FZD3: variants seen among roughly 807,000 people sequenced by gnomAD.
The protein encoded by FZD3 is frizzled-3.
In FZD3, 30 loss-of-function variants were observed where a neutral mutation model predicts 60.7. That is an observed-to-expected ratio of 0.49 (90% CI 0.37 to 0.67). FZD3 has a LOEUF of 0.67. FZD3 is among the 30% of genes least tolerant of loss of function. The pLI is 0.00. For missense variants in FZD3, 605 were observed against 838.7 expected (o/e 0.72, Z 3.44); for synonymous variants, 246 against 275.2 (o/e 0.89, Z 1.05).
intron 3 of FZD3, among the ~76,000 whole-genome samples, chr8:28,512,366 T>A (rs1804311762): frequency 6.6e-6 from 1 of 152,158 alleles, no homozygotes. Context: ...TAGTATGGTA[T>A]CATCCTGGTT....
chr8:28,546,383 GT>G (rs1805293188), intron 5 of FZD3, among the ~76,000 whole-genome samples: 1 of 152,166 alleles, frequency 6.6e-6, no homozygotes, highest in African/African-American at 2.4e-5. Flanking sequence ...CAGAGAGCCA[GT>G]TGTTAAAACA....
At position 28,527,414 on chromosome 8, in the gene FZD3, G is replaced by A. The variant is rs770728766; in HGVS notation, c.654G>A (p.Leu218=). The change falls in exon 5 of 8, where the codon TTG becomes TTA. Residue 218 remains leucine, a synonymous_variant. Transcript: ENST00000240093. This position sits in a 1 kb window ranked among gnomAD's most constrained non-coding sequence, Gnocchi z 5.0. Reference sequence around the variant, plus strand: ...CAATCATTTGCCTCTCGGCCACATTGTTTACTTTTTTAACTTTTTTGATTG... The same window carrying A: ...CAATCATTTGCCTCTCGGCCACATTATTTACTTTTTTAACTTTTTTGATTG... ...LISIICLSAT[L]FTFLTFLIDV... is the part of the protein sequence containing the mutation. 7 of 1,613,946 alleles carry A rather than the reference G, an allele frequency of 4.3e-6. No homozygotes were observed. The highest frequency in any genetic ancestry group is 2.5e-6 in the Non-Finnish European group (3 of 1,179,884).
Position 28,527,600 on chromosome 8 carries a change from A to T in FZD3, c.840A>T (p.Gly280=), listed in dbSNP as rs1422527702. Residue 280 remains glycine (G), a synonymous_variant, in exon 5 of 8, where the codon GGA becomes GGT. Transcript: ENST00000240093. The surrounding 1 kb of genome is among the most constrained non-coding windows in gnomAD (Gnocchi z 5.0). ...AQYKASTVTQ[G]SHNKACTMLF... is the part of the protein sequence containing the mutation. ...ATAAGGCTTCCACAGTGACACAAGG[A>T]TCTCATAATAAAGCCTGTACCATGC... 6.2e-7 allele frequency: 1 copy of T among 1,613,814 alleles called. No homozygotes were observed. Among genetic ancestry groups the T allele is most frequent in the Non-Finnish European group, 8.5e-7 (1 of 1,179,816 alleles).
At chr8:28,534,614 ATTC>A (rs1563396695) in intron 5 of FZD3, among the ~76,000 whole-genome samples, 1 of 152,082 alleles carries the variant, frequency 6.6e-6, no homozygotes, top group African/African-American at 2.4e-5. Context: ...ATAACTCCCC[ATTC>A]TTCTTCCCCA....
intron 7 of FZD3, among the ~76,000 whole-genome samples, chr8:28,561,599 TAAAAA>T (rs5890425): frequency 6.8e-6 from 1 of 147,630 alleles, no homozygotes; most frequent in Admixed American, 6.7e-5. Flanking sequence ...GATGACTGTT[TAAAAA>T]AAAAAAACCT....
intron 5 of FZD3, among the ~76,000 whole-genome samples, chr8:28,530,014 A>G (rs1183272193): frequency 6.6e-6 from 1 of 151,916 alleles, no homozygotes; most frequent in African/African-American, 2.4e-5. Context: ...AGTAGTTGAG[A>G]TGCTGCTTTT....
chr8:28,543,070 T>C (rs1805209301), intron 5 of FZD3, among the ~76,000 whole-genome samples: 1 of 152,200 alleles, frequency 6.6e-6, no homozygotes, highest in Admixed American at 6.5e-5. Flanking sequence ...AAGCCTCTTA[T>C]TTTATAAAAA....
In FZD3 at chr8:28,563,159, T is replaced by C; in HGVS notation, c.*148T>C. The C allele has an allele frequency of 1.6e-6, 1 of 620,890 alleles. No homozygotes were observed. The highest frequency in any genetic ancestry group is 2.9e-6 in the Non-Finnish European group (1 of 342,918). The allele number at this position is 620,890 out of a possible 1,614,324, so 38.5% of individuals were successfully genotyped here. On this transcript the variant is annotated 3_prime_UTR_variant, in exon 8 of 8. Transcript: ENST00000240093. Reference sequence around the variant, plus strand: ...CACTGGAAAGGTAAATGATTGCTTTTTTATATTGCATCAAACTTGGAACAT... The same window carrying C: ...CACTGGAAAGGTAAATGATTGCTTTCTTATATTGCATCAAACTTGGAACAT...
At chr8:28,552,195 C>A (rs976312516) in intron 6 of FZD3, among the ~76,000 whole-genome samples, 1 of 152,160 alleles carries the variant, frequency 6.6e-6, no homozygotes, top group Admixed American at 6.5e-5. Context: ...CTGATAAGAG[C>A]TAGATAAACT....
intron 3 of FZD3, among the ~76,000 whole-genome samples, chr8:28,505,945 A>G (rs866246414): frequency 4.6e-5 from 7 of 152,340 alleles, no homozygotes; most frequent in African/African-American, 1.2e-4. Flanking sequence ...AAACGTGCAC[A>G]TCAATATGCA....
intron 5 of FZD3, among the ~76,000 whole-genome samples, chr8:28,529,225 CTT>C (rs1804798457): frequency 6.6e-6 from 1 of 152,094 alleles, no homozygotes; most frequent in Non-Finnish European, 1.5e-5. Context: ...AGCCTCTCTT[CTT>C]TCTTTTAAAA....
chr8:28,532,868 CATG>C (rs1804914914), intron 5 of FZD3, among the ~76,000 whole-genome samples: 1 of 152,154 alleles, frequency 6.6e-6, no homozygotes, highest in South Asian at 2.1e-4. Flanking sequence ...TTCTATATTT[CATG>C]TAAGAGCTGC....
intron 7 of FZD3, among the ~76,000 whole-genome samples, chr8:28,561,532 T>TG (rs1300762955): frequency 1.3e-5 from 2 of 151,874 alleles, no homozygotes; most frequent in East Asian, 3.9e-4. Context: ...GAAGGAATGG[T>TG]GGATTAACGC....
intron 3 of FZD3, among the ~76,000 whole-genome samples, chr8:28,514,746 C>T (rs1804379857): frequency 6.6e-6 from 1 of 152,194 alleles, no homozygotes; most frequent in Admixed American, 6.5e-5. Context: ...AAAACTGTCT[C>T]ACTTGGCAGT....
At chr8:28,538,746 T>C (rs994925559) in intron 5 of FZD3, among the ~76,000 whole-genome samples, 5 of 151,976 alleles carry the variant, frequency 3.3e-5, no homozygotes, top group Non-Finnish European at 5.9e-5. Context: ...TTTTCTCAGG[T>C]CTAATATTAA....
At chr8:28,555,214 C>T (rs1041642098) in intron 6 of FZD3, among the ~76,000 whole-genome samples, 9 of 152,120 alleles carry the variant, frequency 5.9e-5, no homozygotes, top group Admixed American at 1.3e-4. Flanking sequence ...AAAATTAACT[C>T]GTAGACTAAA....
rs554023128 is a variant in FZD3, at chr8:28,571,188, G to A, written c.*8177G>A. The A allele has an allele frequency of 6.6e-6, 1 of 152,214 alleles. No individual in the cohort carries two copies. Among genetic ancestry groups the A allele is most frequent in the East Asian group, 1.9e-4 (1 of 5,188 alleles). 9.4% of individuals were successfully genotyped at this position (152,214 alleles called of 1,614,324 possible). A position where few individuals can be genotyped will look rare whatever the true frequency, so the allele number is the denominator to read the frequency against. ...GTAAGATAAAGCAAGTAATCCTAGA[G>A]TGATTTACTTTATGTTTAGCCATCC... On this transcript the variant is annotated 3_prime_UTR_variant, in exon 8 of 8. Coordinates refer to ENST00000240093, the MANE Select transcript of FZD3 (RefSeq NM_017412.4).
In FZD3 at chr8:28,527,891, T is replaced by C. The variant is rs1458711867; in HGVS notation, c.1131T>C (p.Ala377=). 9 of 1,613,986 alleles carry C rather than the reference T, an allele frequency of 5.6e-6. No individual in the cohort carries two copies. The highest frequency in any genetic ancestry group is 6.8e-6 in the Non-Finnish European group (8 of 1,179,998). The change falls in exon 5 of 8, where the codon GCT becomes GCC. Residue 377 remains alanine (A), a synonymous_variant. Coordinates refer to ENST00000240093, the MANE Select transcript of FZD3 (RefSeq NM_017412.4). The surrounding 1 kb of genome is among the most constrained non-coding windows in gnomAD (Gnocchi z 5.0). The part of the protein sequence containing the change: ...DVDALRYFVL[A]PLCLYVVVGV... ...ATGCATTGAGATATTTTGTTCTTGC[T>C]CCCCTCTGCCTGTATGTGGTAGTTG...
chr8:28,520,221 C>CAAAAA lies in FZD3; in HGVS notation c.190-407_190-403dup, dbSNP rs199633141. 4.4e-3 allele frequency among the ~76,000 whole-genome samples: 578 copies of CAAAAA among 131,026 alleles called. 23 individuals carry two copies. The East Asian group carries it at 0.086, about 19-fold the overall frequency. The allele number at this position is 131,026 out of a possible 152,430, so 86.0% of individuals were successfully genotyped here. A position where few individuals can be genotyped will look rare whatever the true frequency, so the allele number is the denominator to read the frequency against. On this transcript the variant is annotated intron_variant, in intron 3 of 7. Coordinates refer to ENST00000240093, the MANE Select transcript of FZD3 (RefSeq NM_017412.4). The stretch of plus-strand genomic sequence containing the variant: ...TGAGACTCCATCTCAAAAAAAACAA[C>CAAAAA]AAAAAAAAAAAAAAGGAAGAAAGAA...
Sources: gnomAD v4.1 joint callset for allele counts (sites outside exome capture counted in the v4.1 genomes callset) on GRCh38, gnomAD v4.1.1 for gene constraint, Gnocchi (gnomAD v3.1) non-coding constraint, MANE v1.5 for transcripts, NCBI Gene and HGNC (gene_info 2026-07-23, HGNC 2026-07-21) for gene names.